Variants in FOXO1 observed in about 807,000 individuals in gnomAD.
FOXO1 encodes forkhead box O1.
Under a neutral mutation model 44.1 loss-of-function variants are expected in FOXO1, and 6 were observed. The observed-to-expected ratio is 0.14, with a 90% CI of 0.07 to 0.27. FOXO1 has a LOEUF of 0.27. FOXO1 is among the 10% of genes least tolerant of loss of function. The pLI, the probability that FOXO1 is intolerant of heterozygous loss-of-function variation, is 1.00. For missense variants in FOXO1, 737 were observed against 888.8 expected, an observed-to-expected ratio of 0.83 and a Z score of 2.17; for synonymous variants, 380 against 362.7, an observed-to-expected ratio of 1.05 and a Z score of -0.54.
At chr13:40,619,416 A>C in intron 1 of FOXO1, 1 of 936,818 alleles carries the variant, frequency 1.1e-6, no homozygotes, top group South Asian at 1.3e-5. Context: ...CAGGAAATGC[A>C]ACTCAAAGTG....
At chr13:40,614,150 C>T (rs1017920820) in intron 1 of FOXO1, among the ~76,000 whole-genome samples, 7 of 152,142 alleles carry the variant, frequency 4.6e-5, no homozygotes, top group Non-Finnish European at 7.4e-5. Flanking sequence ...GGGAACTAAC[C>T]TGGCACCAGC....
At chr13:40,623,515 C>A (rs1876685920) in intron 1 of FOXO1, among the ~76,000 whole-genome samples, 3 of 152,116 alleles carry the variant, frequency 2.0e-5, no homozygotes, top group African/African-American at 7.2e-5. Flanking sequence ...GGAAGTTCAA[C>A]AGTTTTTTTT....
rs1345784957 is a variant in FOXO1, at chr13:40,559,911, T to C, written c.1580A>G (p.His527Arg). 1 of 1,614,088 alleles carries C rather than the reference T, an allele frequency of 6.2e-7. No homozygotes were observed. The highest frequency in any genetic ancestry group is 8.5e-7 in the Non-Finnish European group (1 of 1,180,040). The change falls in exon 2 of 3, where the codon CAT (histidine) becomes CGT (arginine). Residue 527 changes from histidine (H) to arginine (R), a missense_variant. By Grantham distance (29) the His-to-Arg change is conservative. This residue lies in a region of FOXO1 where 283 missense variants were observed against 278.1 expected (regional missense o/e 1.02). Transcript: ENST00000379561. ...MNPSSHTHPG[H>R]AQQTSAVNGR... ...GTTAACTGCAGATGTCTGCTGAGCA[T>C]GTCCAGGGTGGGTATGGGAGCTGGG...
intron 1 of FOXO1, among the ~76,000 whole-genome samples, chr13:40,601,687 A>T (rs951308267): frequency 6.6e-6 from 1 of 152,190 alleles, no homozygotes; most frequent in Non-Finnish European, 1.5e-5. Flanking sequence ...TTTTTTGGTC[A>T]CATTGGCACC....
At chr13:40,583,195 A>C (rs1238674380) in intron 1 of FOXO1, among the ~76,000 whole-genome samples, 4 of 152,200 alleles carry the variant, frequency 2.6e-5, no homozygotes, top group East Asian at 1.9e-4. Flanking sequence ...CTGTGGGCTT[A>C]AAATATTCAG....
At position 40,666,546 on chromosome 13, in the gene FOXO1, T is replaced by C; in HGVS notation, c.-334A>G. On this transcript the variant is annotated 5_prime_UTR_variant, in exon 1 of 3. Transcript: ENST00000379561. Reference sequence around the variant, plus strand: ...CGGACGGACGCCGCGGGCCGCTTGCTCTCCCCAGCGGCGCGCCCGCTGCGC... The same window carrying C: ...CGGACGGACGCCGCGGGCCGCTTGCCCTCCCCAGCGGCGCGCCCGCTGCGC... The C allele has an allele frequency of 4.0e-6, 1 of 252,534 alleles. No homozygotes were observed. Among genetic ancestry groups the C allele is most frequent in the Non-Finnish European group, 7.6e-6 (1 of 131,820 alleles). 15.6% of individuals were successfully genotyped at this position (252,534 alleles called of 1,614,324 possible).
At chr13:40,663,784 A>T (rs1399914079) in intron 1 of FOXO1, among the ~76,000 whole-genome samples, 1 of 152,232 alleles carries the variant, frequency 6.6e-6, no homozygotes, top group Non-Finnish European at 1.5e-5. Flanking sequence ...CACTTTGGAA[A>T]AAATAAAATG....
chr13:40,608,800 T>C (rs1876117602), intron 1 of FOXO1, among the ~76,000 whole-genome samples: 1 of 152,190 alleles, frequency 6.6e-6, no homozygotes, highest in Admixed American at 6.5e-5. Flanking sequence ...ATCCTTTCAG[T>C]GTCACGTCAC....
chr13:40,640,799 T>TG (rs11398696), intron 1 of FOXO1, among the ~76,000 whole-genome samples: 15,357 of 96,012 alleles, frequency 0.16, 1,260 homozygotes, highest in East Asian at 0.44. Flanking sequence ...TTGTTGTTGT[T>TG]TGAGACAGAG....
At chr13:40,631,050 T>G (rs1357601362) in intron 1 of FOXO1, among the ~76,000 whole-genome samples, 1 of 152,108 alleles carries the variant, frequency 6.6e-6, no homozygotes. Flanking sequence ...TTATGACCAA[T>G]GAGGAAAAAT....
At chr13:40,664,889 C>A (rs1390093211) in intron 1 of FOXO1, among the ~76,000 whole-genome samples, 1 of 151,914 alleles carries the variant, frequency 6.6e-6, no homozygotes, top group East Asian at 1.9e-4. Flanking sequence ...CCCGCGCGGC[C>A]AGGCGCCGGC....
intron 1 of FOXO1, among the ~76,000 whole-genome samples, chr13:40,633,854 G>A (rs1877055642): frequency 6.6e-6 from 1 of 152,118 alleles, no homozygotes; most frequent in Non-Finnish European, 1.5e-5. Flanking sequence ...AATGGCCAAG[G>A]AAAGAATTCC....
chr13:40,601,837 TCAC>T (rs1297853319), intron 1 of FOXO1, among the ~76,000 whole-genome samples: 1 of 152,158 alleles, frequency 6.6e-6, no homozygotes, highest in Non-Finnish European at 1.5e-5. Context: ...AATGGAAATA[TCAC>T]CAAAGATCCC....
chr13:40,646,700 T>G (rs1054599002), intron 1 of FOXO1, among the ~76,000 whole-genome samples: 8 of 152,042 alleles, frequency 5.3e-5, no homozygotes, highest in Admixed American at 6.6e-5. Flanking sequence ...TTAATGAGAT[T>G]CCCCTGCTTC....
In FOXO1 at chr13:40,568,050, G is replaced by A. The variant is rs141474284; in HGVS notation, c.631-7190C>T. 3.9e-5 allele frequency among the ~76,000 whole-genome samples: 6 copies of A among 152,230 alleles called. No individual in the cohort carries two copies. The East Asian group carries it at 9.6e-4, about 24-fold the overall frequency. ...GGCAGGAATCCATAGCAGCTGAAGC[G>A]TGCATTTCAGATGTGAGCATCATCC... On this transcript the variant is annotated intron_variant, in intron 1 of 2. Coordinates refer to ENST00000379561, the MANE Select transcript of FOXO1 (RefSeq NM_002015.4).
chr13:40,661,194 T>G (rs571525755), intron 1 of FOXO1, among the ~76,000 whole-genome samples: 1 of 152,294 alleles, frequency 6.6e-6, no homozygotes, highest in South Asian at 2.1e-4. Flanking sequence ...GATGCTACAT[T>G]TAGCTGCATA....
At chr13:40,561,687 G>A (rs981347451) in intron 1 of FOXO1, among the ~76,000 whole-genome samples, 1 of 151,202 alleles carries the variant, frequency 6.6e-6, no homozygotes, top group African/African-American at 2.4e-5. Flanking sequence ...ATAGAATATA[G>A]GCCAGGCATG....
At chr13:40,563,858 G>A (rs1275301888) in intron 1 of FOXO1, among the ~76,000 whole-genome samples, 1 of 152,148 alleles carries the variant, frequency 6.6e-6, no homozygotes, top group East Asian at 1.9e-4. Context: ...AGATCAGCAG[G>A]CCCGCACTTG....
In FOXO1 at chr13:40,637,581, T is replaced by A. The variant is rs1877204782; in HGVS notation, c.630+28002A>T. 1.3e-5 allele frequency among the ~76,000 whole-genome samples: 2 copies of A among 151,854 alleles called. 1 individual carries two copies. The highest frequency in any genetic ancestry group is 4.2e-4 in the South Asian group (2 of 4,790). Reference sequence around the variant, plus strand: ...TCTATTTTCTGCTTTCTATATATAATCTGTACTTCACCAAAGTAATGATAA... The same window carrying A: ...TCTATTTTCTGCTTTCTATATATAAACTGTACTTCACCAAAGTAATGATAA... On this transcript the variant is annotated intron_variant, in intron 1 of 2. Coordinates refer to ENST00000379561, the MANE Select transcript of FOXO1 (RefSeq NM_002015.4).
Sources: gnomAD v4.1 joint callset for allele counts (sites outside exome capture counted in the v4.1 genomes callset) on GRCh38, gnomAD v4.1.1 for gene constraint, gnomAD v4.1.1 regional missense constraint, MANE v1.5 for transcripts, NCBI Gene and HGNC (gene_info 2026-07-23, HGNC 2026-07-21) for gene names.